RFX3: variants seen among roughly 807,000 people sequenced by gnomAD.
RFX3 encodes transcription factor RFX3.
RFX3 carries 14 observed loss-of-function variants against 98.6 expected under a neutral mutation model. The ratio of observed to expected loss-of-function variants is 0.14; its 90% CI spans 0.09 to 0.22. RFX3 has a LOEUF of 0.22. Among genes scored for constraint, RFX3 ranks in the 10% least tolerant of loss-of-function variants. The pLI, the probability that RFX3 is intolerant of heterozygous loss-of-function variation, is 1.00. For synonymous variants in RFX3, 383 were observed against 328.4 expected (o/e 1.17, Z -1.80); for missense variants, 639 against 926.9 (o/e 0.69, Z 4.03).
At chr9:3,430,570 A>G (rs1844566873) in intron 1 of RFX3, among the ~76,000 whole-genome samples, 1 of 152,146 alleles carries the variant, frequency 6.6e-6, no homozygotes, top group Non-Finnish European at 1.5e-5. Flanking sequence ...CATCACAATG[A>G]CACCAATATT....
chr9:3,297,424 T>G (rs996232943), intron 5 of RFX3, among the ~76,000 whole-genome samples: 1 of 152,078 alleles, frequency 6.6e-6, no homozygotes, highest in South Asian at 2.1e-4. Context: ...CTTTCAACCT[T>G]TGCATTTAAT....
At chr9:3,475,969 G>A (rs1392408166) in intron 1 of RFX3, among the ~76,000 whole-genome samples, 3 of 152,180 alleles carry the variant, frequency 2.0e-5, no homozygotes, top group African/African-American at 4.8e-5. Context: ...TGGCGTTACC[G>A]CTAGACCAAG....
intron 1 of RFX3, among the ~76,000 whole-genome samples, chr9:3,443,082 T>C (rs939066051): frequency 3.3e-5 from 5 of 152,120 alleles, no homozygotes; most frequent in African/African-American, 1.2e-4. Context: ...CAAGAAGATA[T>C]AAAGTGACAA....
intron 2 of RFX3, among the ~76,000 whole-genome samples, chr9:3,359,824 G>A (rs1836202280): frequency 6.6e-6 from 1 of 151,908 alleles, no homozygotes; most frequent in Non-Finnish European, 1.5e-5. Flanking sequence ...AAAACCAAAG[G>A]TGAAATTTTA....
intron 1 of RFX3, among the ~76,000 whole-genome samples, chr9:3,413,263 A>T (rs1418251352): frequency 2.0e-5 from 3 of 152,116 alleles, no homozygotes; most frequent in Non-Finnish European, 4.4e-5. Context: ...ATGTATACCA[A>T]GTAGAACTCT....
intron 1 of RFX3, among the ~76,000 whole-genome samples, chr9:3,516,173 C>G (rs373654313): frequency 3.3e-5 from 5 of 152,042 alleles, no homozygotes; most frequent in Non-Finnish European, 5.9e-5. Context: ...CTCAGCCTCC[C>G]GAGTAGCTAG....
Position 3,296,022 on chromosome 9 carries a change from T to C in RFX3, c.550-2764A>G, listed in dbSNP as rs114234209. Among the ~76,000 whole-genome samples the C allele has an allele frequency of 7.3e-3, 1,106 of 152,092 alleles. 15 individuals carry two copies. The highest frequency in any genetic ancestry group is 0.025 in the African/African-American group (1,037 of 41,542). On this transcript the variant is annotated intron_variant, in intron 5 of 16. Coordinates refer to ENST00000617270, the MANE Select transcript of RFX3 (RefSeq NM_001282116.2). Reference sequence around the variant, plus strand: ...ATTACTTAAAAATAAGACAAACATGTAAAAATGAGAGCTTACTTATTTTTC... The same window carrying C: ...ATTACTTAAAAATAAGACAAACATGCAAAAATGAGAGCTTACTTATTTTTC...
intron 14 of RFX3, among the ~76,000 whole-genome samples, chr9:3,256,337 TTC>T (rs1239174973): frequency 1.5e-4 from 4 of 26,850 alleles, no homozygotes; most frequent in African/African-American, 5.1e-4. Flanking sequence ...TAGGATTTGT[TTC>T]TTTTTTTTTT....
At position 3,385,470 on chromosome 9, in the gene RFX3, G is replaced by A. The variant is rs529111008; in HGVS notation, c.117+10002C>T. ...TCACACCTATAATCTGAGAACTTTCGGAGGCTGAGACGGGTAGATCACCTA... is the reference window on the plus strand; with the variant it reads ...TCACACCTATAATCTGAGAACTTTCAGAGGCTGAGACGGGTAGATCACCTA... On this transcript the variant is annotated intron_variant, in intron 2 of 16. Transcript: ENST00000617270. Among the ~76,000 whole-genome samples, 49 of 152,076 alleles carry A rather than the reference G, an allele frequency of 3.2e-4. No individual in the cohort carries two copies. The East Asian group carries it at 7.7e-3, about 24-fold the overall frequency.
intron 1 of RFX3, among the ~76,000 whole-genome samples, chr9:3,404,286 T>C (rs943329166): frequency 6.6e-5 from 10 of 152,206 alleles, no homozygotes; most frequent in African/African-American, 2.2e-4. Flanking sequence ...ATTTTCATTA[T>C]ATGTATATGT....
chr9:3,429,680 G>T (rs766337025), intron 1 of RFX3, among the ~76,000 whole-genome samples: 2 of 152,078 alleles, frequency 1.3e-5, no homozygotes, highest in Non-Finnish European at 2.9e-5. Context: ...AAAGTATTTG[G>T]GCAGGCCGAT....
intron 15 of RFX3, 144 bp from the exon 16 acceptor site, chr9:3,229,033 A>G (rs1202172896): frequency 1.0e-5 from 6 of 584,986 alleles, no homozygotes; most frequent in African/African-American, 7.7e-5. Flanking sequence ...CATGGATCAC[A>G]TAATTTTCCA....
chr9:3,393,123 T>C (rs894920720), intron 2 of RFX3, among the ~76,000 whole-genome samples: 3 of 152,064 alleles, frequency 2.0e-5, no homozygotes, highest in South Asian at 2.1e-4. Context: ...GCTAAGGTAA[T>C]GTTTAAAATG....
At chr9:3,424,251 T>G (rs967565723) in intron 1 of RFX3, among the ~76,000 whole-genome samples, 13 of 151,130 alleles carry the variant, frequency 8.6e-5, no homozygotes, top group African/African-American at 3.2e-4. Context: ...GAAAAAAATT[T>G]AAATACCCAG....
Position 3,225,002 on chromosome 9 carries a change from C to T in RFX3, c.*40G>A. On this transcript the variant is annotated 3_prime_UTR_variant, in exon 17 of 17. Transcript: ENST00000617270. ...ATTTTCAACTTAAGCCCAATATCAA[C>T]AGGGTTAATGTAAGCTGGAAAAATA... 6.3e-7 allele frequency: 1 copy of T among 1,585,910 alleles called. No individual in the cohort carries two copies. Among genetic ancestry groups the T allele is most frequent in the South Asian group, 1.1e-5 (1 of 89,506 alleles).
intron 4 of RFX3, among the ~76,000 whole-genome samples, chr9:3,317,135 T>A (rs1354745013): frequency 6.6e-6 from 1 of 152,154 alleles, no homozygotes; most frequent in Non-Finnish European, 1.5e-5. Flanking sequence ...AAGGCTACAG[T>A]AACCAAAACA....
At chr9:3,445,911 T>G (rs1157533186) in intron 1 of RFX3, among the ~76,000 whole-genome samples, 7 of 152,148 alleles carry the variant, frequency 4.6e-5, no homozygotes, top group Admixed American at 4.6e-4. Flanking sequence ...AGGATCAGTT[T>G]AAATATTGTT....
intron 4 of RFX3, among the ~76,000 whole-genome samples, chr9:3,320,167 T>C (rs1201560691): frequency 6.6e-6 from 1 of 152,170 alleles, no homozygotes; most frequent in Admixed American, 6.5e-5. Flanking sequence ...TTGTCCAAAA[T>C]TTTTAAAAAT....
intron 1 of RFX3, among the ~76,000 whole-genome samples, chr9:3,461,646 G>T (rs1419088639): frequency 6.6e-6 from 1 of 151,866 alleles, no homozygotes; most frequent in East Asian, 1.9e-4. Flanking sequence ...TATAAACAAA[G>T]TATGACTTAA....
Sources: gnomAD v4.1 joint callset for allele counts (sites outside exome capture counted in the v4.1 genomes callset) on GRCh38, gnomAD v4.1.1 for gene constraint, MANE v1.5 for transcripts, NCBI Gene and HGNC (gene_info 2026-07-23, HGNC 2026-07-21) for gene names.